The following VIPR2 variants were observed in gnomAD, a reference collection of about 807,000 sequenced individuals.
VIPR2 encodes vasoactive intestinal peptide receptor 2, also known as vasoactive intestinal polypeptide receptor 2.
In VIPR2, 48 loss-of-function variants were observed where a neutral mutation model predicts 58.0. The observed-to-expected ratio is 0.83, with a 90% CI of 0.66 to 1.05. The LOEUF (loss-of-function observed/expected upper bound fraction) is 1.05. VIPR2 is among the 50% of genes least tolerant of loss of function. The probability of loss-of-function intolerance (pLI) is 0.00; values close to 1 mark genes in which losing one functional copy is unlikely to be tolerated. For synonymous variants in VIPR2, 243 were observed against 235.2 expected (o/e 1.03, Z -0.30); for missense variants, 534 against 558.0 (o/e 0.96, Z 0.43).
At chr7:159,074,824 T>C (rs1367470843) in intron 4 of VIPR2, among the ~76,000 whole-genome samples, 1 of 151,972 alleles carries the variant, frequency 6.6e-6, no homozygotes, top group Non-Finnish European at 1.5e-5. Flanking sequence ...TCTGTCACAA[T>C]GAACAAACAA....
In VIPR2 at chr7:159,028,528, C is replaced by G. The variant is rs537704020; in HGVS notation, c.*2088G>C. 1 of 152,540 alleles carries G rather than the reference C, an allele frequency of 6.6e-6. No homozygotes were observed. Among genetic ancestry groups the G allele is most frequent in the African/African-American group, 2.4e-5 (1 of 41,602 alleles). 9.4% of individuals were successfully genotyped at this position (152,540 alleles called of 1,614,324 possible). The stretch of plus-strand genomic sequence containing the variant: ...CCTCAGCGTCCCCTCTGGGTCACAG[C>G]TCAGTGTCGGCACCTGGCCACTGAC... On this transcript the variant is annotated 3_prime_UTR_variant, in exon 13 of 13. Coordinates refer to ENST00000262178, the MANE Select transcript of VIPR2 (RefSeq NM_003382.5).
intron 4 of VIPR2, among the ~76,000 whole-genome samples, chr7:159,078,858 G>A (rs1387011771): frequency 6.6e-6 from 1 of 152,190 alleles, no homozygotes; most frequent in South Asian, 2.1e-4. Flanking sequence ...TTTTGAGCTG[G>A]TTAAATCTGG....
chr7:159,096,926 A>G lies in VIPR2; in HGVS notation c.357+6831T>C. 8 of 1,550,700 alleles carry G rather than the reference A, an allele frequency of 5.2e-6. No individual in the cohort carries two copies. The highest frequency in any genetic ancestry group is 7.0e-6 in the Non-Finnish European group (8 of 1,147,058). On this transcript the variant is annotated intron_variant, in intron 4 of 12. Transcript: ENST00000262178. This position sits in a 1 kb window ranked among gnomAD's most constrained non-coding sequence, Gnocchi z 5.5. The stretch of plus-strand genomic sequence containing the variant: ...CCCGTTCCCATCACTCGATGAGCCA[A>G]TGCCCTCGTGGCTGGCATTGAGCTT...
chr7:159,104,139 G>A (rs1858477388), intron 3 of VIPR2, among the ~76,000 whole-genome samples: 2 of 152,160 alleles, frequency 1.3e-5, no homozygotes, highest in Non-Finnish European at 2.9e-5. Flanking sequence ...GGGGCAGAAT[G>A]AAAATTCTTA....
intron 2 of VIPR2, among the ~76,000 whole-genome samples, chr7:159,137,157 A>T (rs1187659176): frequency 6.6e-6 from 1 of 151,976 alleles, no homozygotes; most frequent in Non-Finnish European, 1.5e-5. Flanking sequence ...GCCCACCCTG[A>T]ATGGCTTCCT....
intron 4 of VIPR2, among the ~76,000 whole-genome samples, chr7:159,072,677 G>C (rs1249145479): frequency 6.6e-6 from 1 of 152,196 alleles, no homozygotes; most frequent in Non-Finnish European, 1.5e-5. Context: ...AAAATGCCCA[G>C]AACAGTGGTT....
At chr7:159,066,994 C>T (rs761753432) in intron 4 of VIPR2, among the ~76,000 whole-genome samples, 17 of 152,210 alleles carry the variant, frequency 1.1e-4, no homozygotes, top group Non-Finnish European at 1.8e-4. Flanking sequence ...CTCTCCAGCA[C>T]GTGCCTGCCA....
In VIPR2 at chr7:159,097,110, C is replaced by T. The variant is rs181506580; in HGVS notation, c.357+6647G>A. ...CCTTGCAGGGTTGCAGGAGGGTTGGCGGGATGATCAGATGGTGCCTCCCAC... is the reference window on the plus strand; with the variant it reads ...CCTTGCAGGGTTGCAGGAGGGTTGGTGGGATGATCAGATGGTGCCTCCCAC... On this transcript the variant is annotated intron_variant, in intron 4 of 12. Transcript: ENST00000262178. This position sits in a 1 kb window ranked among gnomAD's most constrained non-coding sequence, Gnocchi z 5.3. The T allele has an allele frequency of 8.7e-6, 13 of 1,494,374 alleles. No individual in the cohort carries two copies. The highest frequency in any genetic ancestry group is 7.5e-5 in the East Asian group (3 of 40,196). The allele number at this position is 1,494,374 out of a possible 1,614,324, so 92.6% of individuals were successfully genotyped here.
At position 159,093,692 on chromosome 7, in the gene VIPR2, AGATGG is replaced by A. The variant is rs1024232710; in HGVS notation, c.357+10060_357+10064del. ...GACCCCACAGCGTCCCTGGGTTCGG[AGATGG>A]GAGACCCCGCAGCGTCCCTGGGTCC... On this transcript the variant is annotated intron_variant, in intron 4 of 12. Coordinates refer to ENST00000262178, the MANE Select transcript of VIPR2 (RefSeq NM_003382.5). This position sits in a 1 kb window ranked among gnomAD's most constrained non-coding sequence, Gnocchi z 6.7. Among the ~76,000 whole-genome samples the A allele has an allele frequency of 6.6e-6, 1 of 151,620 alleles. No individual in the cohort carries two copies. The highest frequency in any genetic ancestry group is 1.5e-5 in the Non-Finnish European group (1 of 67,848).
chr7:159,034,710 A>G (rs1017033), intron 8 of VIPR2, 60 bp from the exon 9 acceptor site: 1,340,264 of 1,474,944 alleles, frequency 0.91, 609,698 homozygotes, highest in East Asian at 1. Flanking sequence ...ACAGGTACAG[A>G]AGAATGAGCG....
chr7:159,117,180 C>A, intron 2 of VIPR2: 1 of 631,780 alleles, frequency 1.6e-6, no homozygotes. Flanking sequence ...GCCGAGCAGT[C>A]GGGCTTCTGG....
chr7:159,083,334 C>T (rs1563308041), intron 4 of VIPR2, among the ~76,000 whole-genome samples: 1 of 152,222 alleles, frequency 6.6e-6, no homozygotes, highest in Non-Finnish European at 1.5e-5. Flanking sequence ...GCTTCTGTTC[C>T]AGTCCCATTT....
At chr7:159,063,101 G>A (rs183321639) in intron 4 of VIPR2, among the ~76,000 whole-genome samples, 13 of 152,336 alleles carry the variant, frequency 8.5e-5, no homozygotes, top group East Asian at 5.8e-4. Flanking sequence ...ATCCTGCACC[G>A]GGCCGCAGGC....
intron 1 of VIPR2, 140 bp downstream of exon 1, chr7:159,144,581 G>A: frequency 1.4e-6 from 2 of 1,410,900 alleles, no homozygotes; most frequent in African/African-American, 1.5e-5. Flanking sequence ...CGGACCCCGG[G>A]CGACCCCGCT....
Position 159,037,021 on chromosome 7 carries a change from G to A in VIPR2, c.598-119C>T, listed in dbSNP as rs896908956. On this transcript the variant is annotated intron_variant, in intron 6 of 12. Coordinates refer to ENST00000262178, the MANE Select transcript of VIPR2 (RefSeq NM_003382.5). ...GTATCTGTGCAAGGAAGGAGACACC[G>A]GTGCCATTGGGAAGGAAAGTGATTA... 4.0e-5 allele frequency: 48 copies of A among 1,210,880 alleles called. No individual in the cohort carries two copies. In the African/African-American group the frequency reaches 5.1e-4, roughly 13 times the overall value. 75.0% of individuals were successfully genotyped at this position (1,210,880 alleles called of 1,614,324 possible). A position where few individuals can be genotyped will look rare whatever the true frequency, so the allele number is the denominator to read the frequency against.
intron 4 of VIPR2, among the ~76,000 whole-genome samples, chr7:159,101,194 G>A (rs553507313): frequency 1.4e-5 from 2 of 140,074 alleles, no homozygotes; most frequent in South Asian, 2.3e-4. Flanking sequence ...GATAGTGAAC[G>A]GGTCTCACGA....
chr7:159,058,718 T>A, intron 4 of VIPR2, 140 bp from the exon 5 acceptor site: 1 of 634,560 alleles, frequency 1.6e-6, no homozygotes. Flanking sequence ...TCTCGCTTTA[T>A]AATTCCACCT....
At chr7:159,091,396 T>C (rs1450746451) in intron 4 of VIPR2, among the ~76,000 whole-genome samples, 1 of 152,234 alleles carries the variant, frequency 6.6e-6, no homozygotes, top group African/African-American at 2.4e-5. Flanking sequence ...CTGAATGAGC[T>C]AGTCCATGCA....
chr7:159,101,704 G>A (rs1483459647), intron 4 of VIPR2, among the ~76,000 whole-genome samples: 3 of 137,394 alleles, frequency 2.2e-5, no homozygotes, highest in South Asian at 2.5e-4. Context: ...CCGACGAGGC[G>A]GTTCCGACTG....
Sources: gnomAD v4.1 joint callset for allele counts (sites outside exome capture counted in the v4.1 genomes callset) on GRCh38, gnomAD v4.1.1 for gene constraint, Gnocchi (gnomAD v3.1) non-coding constraint, MANE v1.5 for transcripts, NCBI Gene and HGNC (gene_info 2026-07-23, HGNC 2026-07-21) for gene names.